The following HERC2 variants were observed in gnomAD, a reference collection of about 807,000 sequenced individuals.
HERC2 encodes the protein E3 ubiquitin-protein ligase HERC2.
Under a neutral mutation model 537.7 loss-of-function variants are expected in HERC2, and 102 were observed. The observed-to-expected ratio is 0.19, with a 90% CI of 0.16 to 0.22. HERC2 has a LOEUF of 0.22. Among genes scored for constraint, HERC2 ranks in the 10% least tolerant of loss-of-function variants. The probability of loss-of-function intolerance (pLI) is 1.00; values close to 1 mark genes in which losing one functional copy is unlikely to be tolerated. For missense variants in HERC2, 4,236 were observed against 6,198.2 expected (o/e 0.68, Z 10.63); for synonymous variants, 2,224 against 2,466.2 (o/e 0.90, Z 2.91).
rs1439790758 is a variant in HERC2, at chr15:28,292,879, C to A, written c.322+9G>T. On this transcript the variant is annotated intron_variant, in intron 4 of 92. Transcript: ENST00000261609. ...AACCTTTCCAAAGTGCCAAAATTCACAAGATTACCTGGTTGCTTGCCCCAT... is the reference window on the plus strand; with the variant it reads ...AACCTTTCCAAAGTGCCAAAATTCAAAAGATTACCTGGTTGCTTGCCCCAT... 1 of 1,608,310 alleles carries A rather than the reference C, an allele frequency of 6.2e-7. No individual in the cohort carries two copies. Among genetic ancestry groups the A allele is most frequent in the Non-Finnish European group, 8.5e-7 (1 of 1,179,286 alleles).
In HERC2 at chr15:28,280,208, G is replaced by A. The variant is rs1271634544; in HGVS notation, c.402C>T (p.Thr134=). ...QALAVQSATT[T]LSALRLKQRL... ...TCTGCTTGAGTCGCAGGGCTGAGAG[G>A]GTGGTGGTGGCTGACTGGACGGCCA... Residue 134 remains threonine (T), a synonymous_variant, in exon 5 of 93, where the codon ACC becomes ACT. Transcript: ENST00000261609. The A allele has an allele frequency of 6.2e-7, 1 of 1,614,024 alleles. No homozygotes were observed. The highest frequency in any genetic ancestry group is 8.5e-7 in the Non-Finnish European group (1 of 1,180,004).
At chr15:28,130,326 AT>A in intron 82 of HERC2, 24 bp from the exon 83 acceptor site, 1 of 1,614,004 alleles carries the variant, frequency 6.2e-7, no homozygotes, top group Non-Finnish European at 8.5e-7. Flanking sequence ...AAGCATGGAA[AT>A]TATGGGGCAA....
At chr15:28,198,558 T>A in intron 49 of HERC2, 43 bp downstream of exon 49, 1 of 1,609,106 alleles carries the variant, frequency 6.2e-7, no homozygotes, top group Non-Finnish European at 8.5e-7. Context: ...GGGAATTTTG[T>A]CTCTAAGAAA....
intron 79 of HERC2, 63 bp from the exon 80 acceptor site, chr15:28,132,893 T>C (rs1890249932): frequency 4.7e-6 from 6 of 1,279,240 alleles, no homozygotes; most frequent in Admixed American, 2.6e-5. Context: ...TTTCAGTGTA[T>C]TAAATACCTC....
chr15:28,113,568 C>A lies in HERC2; in HGVS notation c.14019+5G>T, dbSNP rs750765016. On this transcript the variant is annotated splice_donor_5th_base_variant and intron_variant, in intron 91 of 92. Coordinates refer to ENST00000261609, the MANE Select transcript of HERC2 (RefSeq NM_004667.6). This position sits in a 1 kb window ranked among gnomAD's most constrained non-coding sequence, Gnocchi z 7.0. ...CAGGGCAGCCCCACCTGGGGGTCGG[C>A]ATACCATCGTCTCCAGTTCGTAGCC... 6.2e-7 allele frequency: 1 copy of A among 1,613,122 alleles called. No individual in the cohort carries two copies. The highest frequency in any genetic ancestry group is 2.2e-5 in the East Asian group (1 of 44,868).
chr15:28,124,400 C>A lies in HERC2; in HGVS notation c.12991-166G>T, dbSNP rs1889250709. On this transcript the variant is annotated intron_variant, in intron 84 of 92. Transcript: ENST00000261609. ...ACTGTGCTGCTTTTAAAATAATATT[C>A]TGTCCAGTTTGACTGTAAAAAAAAT... Among the ~76,000 whole-genome samples the A allele has an allele frequency of 2.0e-5, 3 of 152,334 alleles. No homozygotes were observed. In the South Asian group the frequency reaches 6.2e-4, roughly 32 times the overall value.
At chr15:28,251,439 T>C (rs2075076860) in intron 20 of HERC2, among the ~76,000 whole-genome samples, 1 of 145,042 alleles carries the variant, frequency 6.9e-6, no homozygotes, top group Admixed American at 7.0e-5. Context: ...TGAGGCTCCA[T>C]CTCGGGGGAA....
chr15:28,255,265 G>A (rs1366552951), intron 19 of HERC2, among the ~76,000 whole-genome samples: 1 of 152,058 alleles, frequency 6.6e-6, no homozygotes, highest in Non-Finnish European at 1.5e-5. Flanking sequence ...AGCCTAGGAG[G>A]ACAAGGCTGC....
intron 2 of HERC2, 131 bp from the exon 3 acceptor site, chr15:28,299,647 C>A: frequency 3.3e-6 from 2 of 606,048 alleles, no homozygotes; most frequent in South Asian, 2.2e-5. Flanking sequence ...CAATGATTTA[C>A]TGAATTAGTG....
At chr15:28,288,567 T>C (rs1279107783) in intron 4 of HERC2, among the ~76,000 whole-genome samples, 1 of 147,202 alleles carries the variant, frequency 6.8e-6, no homozygotes, top group Non-Finnish European at 1.5e-5. Flanking sequence ...CCAGGTGTGG[T>C]GGCTCACACC....
chr15:28,200,194 C>T (rs1422929488), intron 48 of HERC2, among the ~76,000 whole-genome samples: 5 of 152,062 alleles, frequency 3.3e-5, no homozygotes, highest in Non-Finnish European at 5.9e-5. Context: ...GTCAGGAGCT[C>T]GAGACCAGCC....
Position 28,124,076 on chromosome 15 carries a change from C to T in HERC2, c.13149G>A (p.Gly4383=), listed in dbSNP as rs758751642. Residue 4383 remains glycine, a synonymous_variant, in exon 85 of 93, where the codon GGG becomes GGA. Transcript: ENST00000261609. Reference sequence around the variant, plus strand: ...TCAGAATTCCTCGGAGAGTGTCGAACCCAACAGAAGGCCCGAGTCCAGTTT... The same window carrying T: ...TCAGAATTCCTCGGAGAGTGTCGAATCCAACAGAAGGCCCGAGTCCAGTTT... ...LDETGLGPSV[G]FDTLRGILIS... The T allele has an allele frequency of 1.2e-5, 20 of 1,606,712 alleles. No individual in the cohort carries two copies. In the Admixed American group the frequency reaches 3.2e-4, roughly 26 times the overall value.
At chr15:28,161,680 G>A (rs1019863133) in intron 69 of HERC2, among the ~76,000 whole-genome samples, 1 of 152,216 alleles carries the variant, frequency 6.6e-6, no homozygotes, top group Non-Finnish European at 1.5e-5. Flanking sequence ...GTGGCCATAT[G>A]TGGCTGGTGC....
intron 4 of HERC2, among the ~76,000 whole-genome samples, chr15:28,284,004 G>A (rs916757179): frequency 6.6e-6 from 1 of 152,158 alleles, no homozygotes; most frequent in African/African-American, 2.4e-5. Context: ...ATTCATTTAT[G>A]TTTTATATAT....
chr15:28,253,996 T>A (rs2075171198), intron 20 of HERC2, among the ~76,000 whole-genome samples: 1 of 146,754 alleles, frequency 6.8e-6, no homozygotes, highest in Admixed American at 6.8e-5. Context: ...AATAAGTACA[T>A]AAATAGACCG....
At chr15:28,299,931 T>C (rs2076574082) in intron 2 of HERC2, among the ~76,000 whole-genome samples, 2 of 151,362 alleles carry the variant, frequency 1.3e-5, no homozygotes, top group Admixed American at 6.6e-5. Context: ...CGGGCGCCTG[T>C]AATCCCAGCT....
chr15:28,202,704 G>A, intron 45 of HERC2, 90 bp from the exon 46 acceptor site: 1 of 453,014 alleles, frequency 2.2e-6, no homozygotes, highest in Non-Finnish European at 3.7e-6. Flanking sequence ...GCCTTCTACT[G>A]TGAACTGCAG....
Position 28,141,582 on chromosome 15 carries a change from A to G in HERC2, c.11865T>C (p.Tyr3955=). 1 of 1,614,156 alleles carries G rather than the reference A, an allele frequency of 6.2e-7. No individual in the cohort carries two copies. ...GGCCCCTGTGATTATGTCCCCATCC[A>G]TAAATTGTTCCACTGCCACCAGCAG... ...TLSAGGSGTI[Y]GWGHNHRGQL... The change falls in exon 78 of 93, where the codon TAT becomes TAC. Residue 3955 remains tyrosine (Y), a synonymous_variant. Coordinates refer to ENST00000261609, the MANE Select transcript of HERC2 (RefSeq NM_004667.6).
chr15:28,118,152 G>GT (rs1888481982), intron 86 of HERC2: 1 of 161,958 alleles, frequency 6.2e-6, no homozygotes, highest in Non-Finnish European at 1.4e-5. Flanking sequence ...GTTCACAGAC[G>GT]TGAGTTCCTG....
Sources: gnomAD v4.1 joint callset for allele counts (sites outside exome capture counted in the v4.1 genomes callset) on GRCh38, gnomAD v4.1.1 for gene constraint, Gnocchi (gnomAD v3.1) non-coding constraint, MANE v1.5 for transcripts, NCBI Gene and HGNC (gene_info 2026-07-23, HGNC 2026-07-21) for gene names.